The following PACS1 variants were observed in gnomAD, a reference collection of about 807,000 sequenced individuals.
The protein encoded by PACS1 is phosphofurin acidic cluster sorting protein 1.
Under a neutral mutation model 115.0 loss-of-function variants are expected in PACS1, and 24 were observed. The ratio of observed to expected loss-of-function variants is 0.21; its 90% CI spans 0.15 to 0.29. The LOEUF (loss-of-function observed/expected upper bound fraction) is 0.29. PACS1 is among the 10% of genes least tolerant of loss of function. The pLI is 1.00. For missense variants in PACS1, 838 were observed against 1,251.2 expected, an observed-to-expected ratio of 0.67 and a Z score of 4.98; for synonymous variants, 453 against 504.5, an observed-to-expected ratio of 0.90 and a Z score of 1.37.
chr11:66,218,513 A>T (rs1855265862), intron 7 of PACS1: 1 of 152,240 alleles, frequency 6.6e-6, no homozygotes, highest in Non-Finnish European at 1.5e-5. Context: ...TTTTTAAAAT[A>T]AAACTTCACC....
At chr11:66,206,662 T>C (rs1854947260) in intron 2 of PACS1, among the ~76,000 whole-genome samples, 1 of 152,154 alleles carries the variant, frequency 6.6e-6, no homozygotes, top group Admixed American at 6.5e-5. Context: ...TGTCCTATAG[T>C]GACAATAACT....
intron 1 of PACS1, among the ~76,000 whole-genome samples, chr11:66,156,204 TTATATATATATATATATA>T (rs61270162): frequency 0.37 from 31,107 of 85,088 alleles, 6,191 homozygotes; most frequent in Non-Finnish European, 0.47. Context: ...ATTTTTTAAA[TTATATATATATATATATA>T]TATATATATA....
At chr11:66,239,067 C>A in intron 20 of PACS1, 75 bp from the exon 21 acceptor site, 1 of 1,604,072 alleles carries the variant, frequency 6.2e-7, no homozygotes, top group East Asian at 2.2e-5. Context: ...ATGGGAGGAA[C>A]CCCGGCTCCT....
At chr11:66,074,941 G>GTTTTTTTTTTT (rs71036269) in intron 1 of PACS1, among the ~76,000 whole-genome samples, 1 of 114,224 alleles carries the variant, frequency 8.8e-6, no homozygotes, top group Admixed American at 1.1e-4. Context: ...TTTTTTTGGT[G>GTTTTTTTTTTT]TTTTTTTTTT....
chr11:66,179,835 CATT>C (rs1189325839), intron 1 of PACS1, among the ~76,000 whole-genome samples: 1 of 152,142 alleles, frequency 6.6e-6, no homozygotes, highest in Non-Finnish European at 1.5e-5. Context: ...CTTTTGCTCT[CATT>C]GTTTGTTTGT....
chr11:66,211,636 C>T (rs745944887), intron 4 of PACS1, among the ~76,000 whole-genome samples: 5 of 152,088 alleles, frequency 3.3e-5, no homozygotes, highest in Admixed American at 1.3e-4. Context: ...CTGAGCCATC[C>T]GAGAGTAAGT....
intron 22 of PACS1, among the ~76,000 whole-genome samples, 173 bp downstream of exon 22, chr11:66,241,826 C>T (rs1855820877): frequency 6.6e-6 from 1 of 152,210 alleles, no homozygotes; most frequent in East Asian, 1.9e-4. Context: ...AAGGCCATTC[C>T]TTCTGTCATG....
intron 1 of PACS1, among the ~76,000 whole-genome samples, chr11:66,087,091 C>A (rs1041469107): frequency 2.0e-5 from 3 of 152,080 alleles, no homozygotes; most frequent in African/African-American, 7.2e-5. Context: ...ACATTACCAA[C>A]GCCCCAGAAC....
intron 2 of PACS1, among the ~76,000 whole-genome samples, chr11:66,197,976 A>G (rs1854686460): frequency 6.6e-6 from 1 of 152,256 alleles, no homozygotes; most frequent in Non-Finnish European, 1.5e-5. Context: ...GTTTTCTATT[A>G]AGTCATTCAT....
chr11:66,139,081 C>T (rs1858916455), intron 1 of PACS1, among the ~76,000 whole-genome samples: 6 of 152,188 alleles, frequency 3.9e-5, no homozygotes, highest in Admixed American at 3.9e-4. Context: ...GATTAATTTA[C>T]AGCCTGTTAT....
At position 66,236,090 on chromosome 11, in the gene PACS1, G is replaced by T; in HGVS notation, c.2250+150G>T. 1 of 770,430 alleles carries T rather than the reference G, an allele frequency of 1.3e-6. No individual in the cohort carries two copies. The allele number at this position is 770,430 out of a possible 1,614,324, so 47.7% of individuals were successfully genotyped here. On this transcript the variant is annotated intron_variant, in intron 19 of 23. Coordinates refer to ENST00000320580, the MANE Select transcript of PACS1 (RefSeq NM_018026.4). The surrounding 1 kb of genome is among the most constrained non-coding windows in gnomAD (Gnocchi z 4.2). ...CAGGGACTACCTGGCAGTGTCTGGA[G>T]ACGTGTTTGGTTGTTATACGGGGGG... is the stretch of plus-strand genomic sequence containing the variant.
intron 1 of PACS1, among the ~76,000 whole-genome samples, chr11:66,138,475 G>A (rs981858394): frequency 2.6e-5 from 4 of 152,100 alleles, no homozygotes; most frequent in Non-Finnish European, 5.9e-5. Context: ...TGAGTCAAGT[G>A]ACATGCCCCA....
intron 1 of PACS1, among the ~76,000 whole-genome samples, chr11:66,137,145 C>A (rs182174362): frequency 1.7e-4 from 26 of 151,586 alleles, no homozygotes; most frequent in African/African-American, 6.1e-4. Flanking sequence ...CTCTGGACTT[C>A]ATGTGTTTGG....
intron 1 of PACS1, among the ~76,000 whole-genome samples, chr11:66,083,417 T>TA (rs1160916517): frequency 6.6e-6 from 1 of 152,224 alleles, no homozygotes; most frequent in African/African-American, 2.4e-5. Flanking sequence ...CCGTAATTAT[T>TA]AAACACTGGC....
Position 66,145,410 on chromosome 11 carries a change from C to T in PACS1, c.357-48076C>T, listed in dbSNP as rs935298808. Among the ~76,000 whole-genome samples, 3 of 152,182 alleles carry T rather than the reference C, an allele frequency of 2.0e-5. No individual in the cohort carries two copies. The East Asian group carries it at 5.8e-4, about 29-fold the overall frequency. ...TGGCATTGACAGTGAAAGTAATGAC[C>T]CTCAGTAGCAAGAGAACAAGGAAGG... On this transcript the variant is annotated intron_variant, in intron 1 of 23. Transcript: ENST00000320580.
chr11:66,168,103 A>G (rs901027361), intron 1 of PACS1, among the ~76,000 whole-genome samples: 1 of 150,082 alleles, frequency 6.7e-6, no homozygotes, highest in African/African-American at 2.5e-5. Flanking sequence ...GGGTCTCGCC[A>G]TGTTGCCCAG....
At chr11:66,143,315 G>A (rs954907329) in intron 1 of PACS1, among the ~76,000 whole-genome samples, 7 of 152,164 alleles carry the variant, frequency 4.6e-5, no homozygotes, top group African/African-American at 9.7e-5. Flanking sequence ...TTCCCCAGGT[G>A]GAGCATCCCC....
At chr11:66,076,818 C>T (rs1371881604) in intron 1 of PACS1, among the ~76,000 whole-genome samples, 2 of 152,182 alleles carry the variant, frequency 1.3e-5, no homozygotes, top group Non-Finnish European at 1.5e-5. Flanking sequence ...GGGAATCTAG[C>T]GTAGCTGTGG....
At chr11:66,208,644 G>T (rs1227639619) in intron 2 of PACS1, among the ~76,000 whole-genome samples, 1 of 131,988 alleles carries the variant, frequency 7.6e-6, no homozygotes, top group Admixed American at 8.5e-5. Flanking sequence ...GTGAGACCTC[G>T]TCTCTCTTTT....
Sources: gnomAD v4.1 joint callset for allele counts (sites outside exome capture counted in the v4.1 genomes callset) on GRCh38, gnomAD v4.1.1 for gene constraint, Gnocchi (gnomAD v3.1) non-coding constraint, MANE v1.5 for transcripts, NCBI Gene and HGNC (gene_info 2026-07-23, HGNC 2026-07-21) for gene names.